The following CELF1 variants were observed in gnomAD, a reference collection of about 807,000 sequenced individuals.
The protein encoded by CELF1 is 50 kDa nuclear polyadenylated RNA-binding protein.
A neutral mutation model predicts 61.8 loss-of-function variants in CELF1; 10 were observed. That is an observed-to-expected ratio of 0.16 (90% CI 0.10 to 0.27). CELF1 has a LOEUF of 0.27. CELF1 is among the 10% of genes least tolerant of loss of function. CELF1 has a pLI of 1.00. For missense variants in CELF1, 380 were observed against 639.1 expected (o/e 0.59, Z 4.37); for synonymous variants, 236 against 225.1 (o/e 1.05, Z -0.43).
chr11:47,510,408 C>T (rs1362711114), intron 1 of CELF1, among the ~76,000 whole-genome samples: 1 of 152,186 alleles, frequency 6.6e-6, no homozygotes, highest in Non-Finnish European at 1.5e-5. Flanking sequence ...ATCACAAAGT[C>T]CAGAGACAAG....
At chr11:47,520,489 C>T (rs1409673336) in intron 1 of CELF1, among the ~76,000 whole-genome samples, 28 of 152,102 alleles carry the variant, frequency 1.8e-4, no homozygotes, top group Non-Finnish European at 3.7e-4. Flanking sequence ...AGGGCATCTC[C>T]GGAAGATGTG....
At position 47,545,921 on chromosome 11, in the gene CELF1, T is replaced by A. The variant is rs867715863; in HGVS notation, c.-154+7071A>T. Among the ~76,000 whole-genome samples, 1,266 of 148,304 alleles carry A rather than the reference T, an allele frequency of 8.5e-3. 21 individuals are homozygous for A. The highest frequency in any genetic ancestry group is 0.023 in the African/African-American group (937 of 39,926). On this transcript the variant is annotated intron_variant, in intron 1 of 14. Coordinates refer to ENST00000687097, the MANE Select transcript of CELF1 (RefSeq NM_001376376.1). ...TGTGTGTGTGTATATATATATTTTTTTTTTTTTGAGATGGAGTCTCCCACT... is the reference window on the plus strand; with the variant it reads ...TGTGTGTGTGTATATATATATTTTTATTTTTTTGAGATGGAGTCTCCCACT...
At position 47,486,786 on chromosome 11, in the gene CELF1, T is replaced by G. The variant is rs747689679; in HGVS notation, c.355A>C (p.Ile119Leu). ...MKVLPGMHHP[I>L]QMKPADSEKN... ...TCACTGTCAGCAGGTTTCATCTGTATAGGGTGATGCATCTGAAAAGGAAAA... is the reference window on the plus strand; with the variant it reads ...TCACTGTCAGCAGGTTTCATCTGTAGAGGGTGATGCATCTGAAAAGGAAAA... Residue 119 changes from isoleucine (I) to leucine (L), a missense_variant, in exon 6 of 15, where the codon ATA becomes CTA. Coordinates refer to ENST00000687097, the MANE Select transcript of CELF1 (RefSeq NM_001376376.1). 1 of 1,610,730 alleles carries G rather than the reference T, an allele frequency of 6.2e-7. No homozygotes were observed. The highest frequency in any genetic ancestry group is 1.3e-5 in the African/African-American group (1 of 74,948).
In CELF1 at chr11:47,469,436, T is replaced by G. The variant is rs1202332842; in HGVS notation, c.*2794A>C. 2.0e-5 allele frequency: 3 copies of G among 152,212 alleles called. No individual in the cohort carries two copies. The highest frequency in any genetic ancestry group is 4.8e-5 in the African/African-American group (2 of 41,426). 9.4% of individuals were successfully genotyped at this position (152,212 alleles called of 1,614,324 possible). On this transcript the variant is annotated 3_prime_UTR_variant, in exon 15 of 15. Coordinates refer to ENST00000687097, the MANE Select transcript of CELF1 (RefSeq NM_001376376.1). ...AATCAATTTCATGATGTAACCCAAGTAAGAAACAAAACTACAGCAGAAAAC... is the reference window on the plus strand; with the variant it reads ...AATCAATTTCATGATGTAACCCAAGGAAGAAACAAAACTACAGCAGAAAAC...
rs1198842749 is a variant in CELF1, at chr11:47,475,437, T to G, written c.1172A>C (p.Tyr391Ser). ...GSTMEALTQA[Y>S]SGIQQYAAAA... Reference sequence around the variant, plus strand: ...AGCAGCATATTGCTGGATACCCGAGTAGGCCTGAGTGAGGGCCTCCATGGT... The same window carrying G: ...AGCAGCATATTGCTGGATACCCGAGGAGGCCTGAGTGAGGGCCTCCATGGT... Residue 391 changes from tyrosine (Y) to serine (S), a missense_variant, in exon 13 of 15, where the codon TAC becomes TCC. Tyr to Ser is a moderately radical substitution (Grantham distance 144, BLOSUM62 -2). Transcript: ENST00000687097. 1.2e-6 allele frequency: 2 copies of G among 1,614,076 alleles called. No homozygotes were observed. The highest frequency in any genetic ancestry group is 3.3e-5 in the Admixed American group (2 of 60,028).
chr11:47,496,167 T>C (rs2093053261), intron 3 of CELF1: 1 of 173,164 alleles, frequency 5.8e-6, no homozygotes, highest in Non-Finnish European at 1.1e-5. Context: ...GTGAGAAAGT[T>C]AATTTTCATT....
chr11:47,495,882 C>CTT, intron 3 of CELF1: 3 of 566,810 alleles, frequency 5.3e-6, no homozygotes, highest in Non-Finnish European at 6.7e-6. Flanking sequence ...TTCACTCCCC[C>CTT]TTTCTCATTA....
intron 1 of CELF1, among the ~76,000 whole-genome samples, chr11:47,534,157 TA>T (rs2096570621): frequency 6.7e-6 from 1 of 149,318 alleles, no homozygotes; most frequent in Non-Finnish European, 1.5e-5. Flanking sequence ...GCCTCCGAAG[TA>T]GCTGAGATTA....
At position 47,545,513 on chromosome 11, in the gene CELF1, T is replaced by G. The variant is rs371624923; in HGVS notation, c.-154+7479A>C. On this transcript the variant is annotated intron_variant, in intron 1 of 14. Transcript: ENST00000687097. ...ATTAAGAGGTTAATAACAAGAGTTA[T>G]TAAGAGGTTATTAAGAGGTTAATAA... is the stretch of plus-strand genomic sequence containing the variant. Among the ~76,000 whole-genome samples, 6 of 152,128 alleles carry G rather than the reference T, an allele frequency of 3.9e-5. No homozygotes were observed. The South Asian group carries it at 1.2e-3, about 32-fold the overall frequency.
At chr11:47,497,887 A>G (rs1424205092) in intron 3 of CELF1, among the ~76,000 whole-genome samples, 3 of 152,194 alleles carry the variant, frequency 2.0e-5, no homozygotes, top group East Asian at 3.8e-4. Context: ...TGCTGTGTCA[A>G]TGTTGGGTTG....
intron 3 of CELF1, among the ~76,000 whole-genome samples, chr11:47,494,963 G>C (rs985194839): frequency 8.5e-5 from 13 of 152,314 alleles, no homozygotes; most frequent in African/African-American, 2.6e-4. Context: ...TGAAACCCAG[G>C]CTGGTCTCGA....
rs1042479749 is a variant in CELF1 at position 47,477,514 on chromosome 11, G to A, written c.845-89C>T. On this transcript the variant is annotated intron_variant, in intron 10 of 14. Coordinates refer to ENST00000687097, the MANE Select transcript of CELF1 (RefSeq NM_001376376.1). ...GACAAGCACACACTGGCAGAGGGCTGGTCCCTGACAAAGAGGAACTGTTCT... is the reference window on the plus strand; with the variant it reads ...GACAAGCACACACTGGCAGAGGGCTAGTCCCTGACAAAGAGGAACTGTTCT... 5 of 1,388,746 alleles carry A rather than the reference G, an allele frequency of 3.6e-6. No homozygotes were observed. The East Asian group carries it at 1.1e-4, about 32-fold the overall frequency. 86.0% of individuals were successfully genotyped at this position (1,388,746 alleles called of 1,614,324 possible). A position where few individuals can be genotyped will look rare whatever the true frequency, so the allele number is the denominator to read the frequency against.
chr11:47,484,475 G>A lies in CELF1; in HGVS notation c.440C>T (p.Thr147Ile). The A allele has an allele frequency of 6.2e-7, 1 of 1,613,330 alleles. No homozygotes were observed. The highest frequency in any genetic ancestry group is 1.3e-5 in the African/African-American group (1 of 74,958). The change falls in exon 7 of 15, where the codon ACT (threonine) becomes ATT (isoleucine). Residue 147 changes from threonine (T) to isoleucine (I), a missense_variant. Transcript: ENST00000687097. ...GAACATGACTCGGATGTCATTTTCA[G>A]TGCACTTCTTGGAAATCATACCAAT... is the stretch of plus-strand genomic sequence containing the variant. Reference protein sequence around the residue: ...LFIGMISKKCTENDIRVMFSS... With the variant: ...LFIGMISKKCIENDIRVMFSS...
chr11:47,545,405 T>C (rs1381145201), intron 1 of CELF1, among the ~76,000 whole-genome samples: 3 of 152,158 alleles, frequency 2.0e-5, no homozygotes, highest in Non-Finnish European at 4.4e-5. Flanking sequence ...TACGCTAGCC[T>C]GGGCGACAGA....
chr11:47,535,360 T>C (rs1276819336), intron 1 of CELF1, among the ~76,000 whole-genome samples: 2 of 151,816 alleles, frequency 1.3e-5, no homozygotes, highest in East Asian at 1.9e-4. Context: ...CCGTAGGCAA[T>C]AGTTATTAAG....
intron 2 of CELF1, among the ~76,000 whole-genome samples, chr11:47,562,483 C>CTTGCG (rs2153791715): frequency 8.0e-6 from 1 of 125,778 alleles, no homozygotes; most frequent in South Asian, 2.8e-4. Flanking sequence ...GAGCTAAGAT[C>CTTGCG]ACACCATTGC....
At chr11:47,522,731 C>A (rs1340842174) in intron 1 of CELF1, among the ~76,000 whole-genome samples, 1 of 149,004 alleles carries the variant, frequency 6.7e-6, no homozygotes, top group African/African-American at 2.5e-5. Context: ...GAGGCTGAGG[C>A]AGGAGAATTG....
intron 1 of CELF1, among the ~76,000 whole-genome samples, chr11:47,526,486 T>C (rs2096247932): frequency 6.6e-6 from 1 of 152,222 alleles, no homozygotes; most frequent in Non-Finnish European, 1.5e-5. Context: ...GAAGCAAAAT[T>C]ATAGTTTTTG....
chr11:47,492,606 C>A (rs774659770), intron 3 of CELF1, among the ~76,000 whole-genome samples: 22 of 152,068 alleles, frequency 1.4e-4, no homozygotes, highest in Non-Finnish European at 2.4e-4. Context: ...GTGGCGTGCA[C>A]CTGTAATCCC....
Sources: allele counts gnomAD v4.1 joint callset (sites outside exome capture counted in the v4.1 genomes callset), GRCh38; gene constraint gnomAD v4.1.1; transcripts MANE v1.5; gene names NCBI Gene and HGNC (gene_info 2026-07-23, HGNC 2026-07-21).